The following PTPDC1 variants were observed in gnomAD, a reference collection of about 807,000 sequenced individuals.
PTPDC1 encodes the protein protein tyrosine phosphatase domain containing 1, also known as protein tyrosine phosphatase domain-containing protein 1.
PTPDC1 carries 53 observed loss-of-function variants against 75.3 expected under a neutral mutation model. The observed-to-expected ratio is 0.70, with a 90% CI of 0.56 to 0.88. The LOEUF (loss-of-function observed/expected upper bound fraction) is 0.88, where lower values mean the gene tolerates loss of function less well. Among genes scored for constraint, PTPDC1 ranks in the 40% least tolerant of loss-of-function variants. The probability of loss-of-function intolerance (pLI) is 0.00; values close to 1 mark genes in which losing one functional copy is unlikely to be tolerated. For synonymous variants in PTPDC1, 349 were observed against 366.2 expected (o/e 0.95, Z 0.54); for missense variants, 925 against 998.6 (o/e 0.93, Z 0.99).
Position 94,036,032 on chromosome 9 carries a change from T to G in PTPDC1, c.-7+4905T>G, listed in dbSNP as rs993574313. 1.5e-4 allele frequency among the ~76,000 whole-genome samples: 22 copies of G among 145,276 alleles called. 1 individual carries two copies. Among genetic ancestry groups the G allele is most frequent in the African/African-American group, 5.2e-4 (20 of 38,502 alleles). On this transcript the variant is annotated intron_variant, in intron 1 of 9. Transcript: ENST00000375360. ...TTTAATCGGATTATTTGTTTTTTTT[T>G]TTGTTTTTTTTTTGCTACTGAGTTG...
chr9:94,049,018 G>A (rs1441328267), intron 1 of PTPDC1, among the ~76,000 whole-genome samples: 1 of 148,630 alleles, frequency 6.7e-6, no homozygotes, highest in Non-Finnish European at 1.5e-5. Context: ...TCAGAGACTG[G>A]GATTGCAACC....
chr9:94,056,809 T>C (rs1254314739), intron 1 of PTPDC1, among the ~76,000 whole-genome samples: 1 of 152,224 alleles, frequency 6.6e-6, no homozygotes, highest in Non-Finnish European at 1.5e-5. Flanking sequence ...TTCCTGCACT[T>C]ACGTTTTAAG....
At chr9:94,099,656 AT>A (rs1034945487) in intron 6 of PTPDC1, among the ~76,000 whole-genome samples, 4 of 152,216 alleles carry the variant, frequency 2.6e-5, no homozygotes, top group Admixed American at 6.5e-5. Flanking sequence ...TGTTTTCTTT[AT>A]TTTCTGCTCC....
At chr9:94,085,475 C>T in intron 2 of PTPDC1, 53 bp downstream of exon 2, 1 of 1,588,958 alleles carries the variant, frequency 6.3e-7, no homozygotes, top group South Asian at 1.1e-5. Flanking sequence ...GAAGGACACT[C>T]TGTGTGAGCC....
intron 1 of PTPDC1, among the ~76,000 whole-genome samples, chr9:94,059,918 A>G (rs1242411869): frequency 1.3e-5 from 2 of 152,178 alleles, no homozygotes; most frequent in African/African-American, 4.8e-5. Flanking sequence ...TGCTAATGTG[A>G]TAATAAGCCA....
chr9:94,049,325 T>G (rs532120692), intron 1 of PTPDC1, among the ~76,000 whole-genome samples: 1 of 152,334 alleles, frequency 6.6e-6, no homozygotes, highest in South Asian at 2.1e-4. Context: ...TCTTTACAAT[T>G]TGGCATGTTT....
At chr9:94,059,802 A>C (rs372874969) in intron 1 of PTPDC1, among the ~76,000 whole-genome samples, 1 of 152,284 alleles carries the variant, frequency 6.6e-6, no homozygotes. Flanking sequence ...ACTTTCATAT[A>C]TGTTTAATTA....
chr9:94,036,178 T>C (rs1289810116), intron 1 of PTPDC1, among the ~76,000 whole-genome samples: 1 of 152,062 alleles, frequency 6.6e-6, no homozygotes, highest in Admixed American at 6.6e-5. Context: ...CTGTGCAGAA[T>C]CTTTTTGGTT....
At chr9:94,064,429 A>G (rs1358546769) in intron 1 of PTPDC1, among the ~76,000 whole-genome samples, 3 of 152,188 alleles carry the variant, frequency 2.0e-5, no homozygotes, top group African/African-American at 7.2e-5. Flanking sequence ...GATTTAATTA[A>G]CTTTTCTCAA....
rs1314852681 is a variant in PTPDC1, at chr9:94,087,765, A to T, written c.417-66A>T. ...GAAAAAATCATCTCTCAGGACTGGA[A>T]CATCTCTTTGGACTGGAACTTCCTA... On this transcript the variant is annotated intron_variant, in intron 2 of 8. Transcript: ENST00000620992. The T allele has an allele frequency of 2.7e-6, 3 of 1,094,606 alleles. No homozygotes were observed. The African/African-American group carries it at 4.7e-5, about 17-fold the overall frequency. The allele number at this position is 1,094,606 out of a possible 1,614,324, so 67.8% of individuals were successfully genotyped here. A position where few individuals can be genotyped will look rare whatever the true frequency, so the allele number is the denominator to read the frequency against.
At chr9:94,062,101 T>G (rs1408836090) in intron 1 of PTPDC1, among the ~76,000 whole-genome samples, 2 of 152,196 alleles carry the variant, frequency 1.3e-5, no homozygotes, top group Non-Finnish European at 2.9e-5. Context: ...GCCGGGTGAC[T>G]TCTTGAATGT....
chr9:94,061,252 G>A (rs1162649041), intron 1 of PTPDC1, among the ~76,000 whole-genome samples: 1 of 152,206 alleles, frequency 6.6e-6, no homozygotes, highest in Non-Finnish European at 1.5e-5. Flanking sequence ...GATGCAAAGG[G>A]TGGGCTCCCA....
intron 1 of PTPDC1, among the ~76,000 whole-genome samples, chr9:94,061,304 T>C (rs1216491688): frequency 6.6e-6 from 1 of 152,170 alleles, no homozygotes; most frequent in Admixed American, 6.5e-5. Context: ...GCAGGGTTCA[T>C]CTCTTAAGGC....
Position 94,097,917 on chromosome 9 carries a change from G to C in PTPDC1, c.1351G>C (p.Asp451His). ...LKRRLSYSDS[D>H]LKRAENLLEQ... ...AAGGCGGCTCAGCTACAGTGACTCAGATTTAAAGAGGGCCGAGAACCTCCT... is the reference window on the plus strand; with the variant it reads ...AAGGCGGCTCAGCTACAGTGACTCACATTTAAAGAGGGCCGAGAACCTCCT... Residue 451 changes from aspartate to histidine, a missense_variant, in exon 6 of 9, where the codon GAT (aspartate) becomes CAT (histidine). Asp to His is a moderately conservative substitution (Grantham distance 81). Coordinates refer to ENST00000620992, the MANE Select transcript of PTPDC1 (RefSeq NM_001253829.2). The C allele has an allele frequency of 6.2e-7, 1 of 1,614,182 alleles. No homozygotes were observed. The highest frequency in any genetic ancestry group is 1.1e-5 in the South Asian group (1 of 91,080).
At chr9:94,101,886 A>G (rs1380515420) in intron 7 of PTPDC1, 135 bp downstream of exon 7, 7 of 552,686 alleles carry the variant, frequency 1.3e-5, no homozygotes, top group East Asian at 3.0e-5. Flanking sequence ...AGTTTTTCCA[A>G]GAGAAGAGAA....
chr9:94,094,409 C>CCACTTGAGGAGGCAGTCTGCCCGTTCT (rs1200301314), intron 4 of PTPDC1, among the ~76,000 whole-genome samples: 7 of 151,972 alleles, frequency 4.6e-5, no homozygotes, highest in Non-Finnish European at 7.4e-5. Flanking sequence ...GGTCAGGGAC[C>CCACTTGAGGAGGCAGTCTGCCCGTTCT]CACTTGAGGA....
chr9:94,070,875 G>A lies in PTPDC1; in HGVS notation c.82+6054G>A, dbSNP rs184056598. Among the ~76,000 whole-genome samples the A allele has an allele frequency of 1.5e-3, 221 of 152,222 alleles. 2 individuals are homozygous for A. The highest frequency in any genetic ancestry group is 5.1e-3 in the African/African-American group (211 of 41,536). Reference sequence around the variant, plus strand: ...CCTTTTTATTGCTGAGTAGTATTCCGTGGTATGGATGTACCACAGTGTGTT... The same window carrying A: ...CCTTTTTATTGCTGAGTAGTATTCCATGGTATGGATGTACCACAGTGTGTT... On this transcript the variant is annotated intron_variant, in intron 2 of 9. Coordinates refer to the PTPDC1 transcript ENST00000375360.
chr9:94,084,302 A>G, upstream of PTPDC1: 1 of 439,718 alleles, frequency 2.3e-6, no homozygotes, highest in Non-Finnish European at 3.9e-6. Context: ...ATTCTTCCCT[A>G]TATTTGAACA....
upstream of PTPDC1, among the ~76,000 whole-genome samples, chr9:94,080,315 T>C (rs532497816): frequency 3.3e-5 from 5 of 152,258 alleles, no homozygotes; most frequent in South Asian, 1.0e-3. Flanking sequence ...TAATTATAGG[T>C]ACAGTTGTGG....
Sources: gnomAD v4.1 joint callset for allele counts (sites outside exome capture counted in the v4.1 genomes callset) on GRCh38, gnomAD v4.1.1 for gene constraint, MANE v1.5 for transcripts, NCBI Gene and HGNC (gene_info 2026-07-23, HGNC 2026-07-21) for gene names.